Variants in PGBD5 observed in about 807,000 individuals in gnomAD.
The protein encoded by PGBD5 is piggyBac transposable element derived 5.
In PGBD5, 14 loss-of-function variants were observed where a neutral mutation model predicts 47.9. That is an observed-to-expected ratio of 0.29 (90% CI 0.19 to 0.46). The LOEUF is 0.46. Among genes scored for constraint, PGBD5 ranks in the 20% least tolerant of loss-of-function variants. The pLI is 1.00. For synonymous variants in PGBD5, 316 were observed against 306.3 expected, an observed-to-expected ratio of 1.03 and a Z score of -0.33; for missense variants, 635 against 716.0, an observed-to-expected ratio of 0.89 and a Z score of 1.29.
chr1:230,400,924 A>C (rs1434065097), intron 1 of PGBD5, among the ~76,000 whole-genome samples: 1 of 152,246 alleles, frequency 6.6e-6, no homozygotes, highest in African/African-American at 2.4e-5. Flanking sequence ...CTACTTTATA[A>C]ATGAGAAAAC....
intron 5 of PGBD5, among the ~76,000 whole-genome samples, chr1:230,331,334 T>C (rs1667211530): frequency 6.6e-6 from 1 of 152,238 alleles, no homozygotes; most frequent in South Asian, 2.1e-4. Flanking sequence ...GAGATTTGTT[T>C]GTGCTCAGGA....
intron 1 of PGBD5, among the ~76,000 whole-genome samples, chr1:230,420,992 C>A (rs980368914): frequency 6.6e-6 from 1 of 152,244 alleles, no homozygotes; most frequent in African/African-American, 2.4e-5. Flanking sequence ...CCACCCTGGG[C>A]ACATAGTGAG....
At chr1:230,377,659 T>C (rs1303212473) in intron 1 of PGBD5, 1 of 1,464,048 alleles carries the variant, frequency 6.8e-7, no homozygotes, top group Admixed American at 2.7e-5. Context: ...TCAAGGTACA[T>C]AATCCCACAC....
intron 1 of PGBD5, among the ~76,000 whole-genome samples, chr1:230,418,772 G>A (rs1181273090): frequency 1.3e-5 from 2 of 152,164 alleles, no homozygotes; most frequent in Non-Finnish European, 2.9e-5. Context: ...TACAGGCTAG[G>A]CATGAGCCAC....
At chr1:230,336,502 C>T (rs899836736) in intron 4 of PGBD5, among the ~76,000 whole-genome samples, 2 of 152,226 alleles carry the variant, frequency 1.3e-5, no homozygotes, top group Non-Finnish European at 2.9e-5. Flanking sequence ...ATCCCCAAAG[C>T]CAGGACAAAG....
Position 230,357,645 on chromosome 1 carries a change from G to A in PGBD5, c.332-324C>T, listed in dbSNP as rs577906737. On this transcript the variant is annotated intron_variant, in intron 1 of 6. Coordinates refer to ENST00000391860, the MANE Select transcript of PGBD5 (RefSeq NM_001258311.2). This position sits in a 1 kb window ranked among gnomAD's most constrained non-coding sequence, Gnocchi z 5.7. Reference sequence around the variant, plus strand: ...GCAGCCTGCATCTCCACACCAGACCGGAGGACAGCCCTCGGGGGGCGCAGT... The same window carrying A: ...GCAGCCTGCATCTCCACACCAGACCAGAGGACAGCCCTCGGGGGGCGCAGT... Among the ~76,000 whole-genome samples the A allele has an allele frequency of 1.4e-4, 21 of 152,272 alleles. No individual in the cohort carries two copies. Among genetic ancestry groups the A allele is most frequent in the Admixed American group, 3.3e-4 (5 of 15,298 alleles).
intron 3 of PGBD5, among the ~76,000 whole-genome samples, chr1:230,343,366 T>G (rs984721220): frequency 6.6e-6 from 1 of 152,076 alleles, no homozygotes; most frequent in African/African-American, 2.4e-5. Context: ...AGGGAGAGGG[T>G]TGAATCTGAT....
At position 230,399,064 on chromosome 1, in the gene PGBD5, G is replaced by T. The variant is rs76944006; in HGVS notation, c.331+26534C>A. Among the ~76,000 whole-genome samples the T allele has an allele frequency of 4.5e-3, 678 of 151,620 alleles. 6 individuals carry two copies. The highest frequency in any genetic ancestry group is 0.016 in the African/African-American group (648 of 41,320). ...CAACCCTCACAGGTTACTAAGGGGG[G>T]GTGGCTAAGTGTCAGGTGCAGCTCA... is the stretch of plus-strand genomic sequence containing the variant. On this transcript the variant is annotated intron_variant, in intron 1 of 6. Transcript: ENST00000391860.
At chr1:230,377,667 C>A in intron 1 of PGBD5, 1 of 1,452,664 alleles carries the variant, frequency 6.9e-7, no homozygotes, top group East Asian at 2.5e-5. Flanking sequence ...CATAATCCCA[C>A]ACAGCCTTCA....
At chr1:230,405,052 G>C (rs1054990855) in intron 1 of PGBD5, among the ~76,000 whole-genome samples, 52 of 150,630 alleles carry the variant, frequency 3.5e-4, no homozygotes, top group Admixed American at 6.6e-4. Context: ...AAAATTAGCT[G>C]GGTGTGGTGG....
At position 230,425,585 on chromosome 1, in the gene PGBD5, G is replaced by A; in HGVS notation, c.331+13C>T. The A allele has an allele frequency of 8.2e-7, 1 of 1,219,552 alleles. No individual in the cohort carries two copies. The highest frequency in any genetic ancestry group is 1.6e-5 in the African/African-American group (1 of 63,820). The allele number at this position is 1,219,552 out of a possible 1,614,324, so 75.5% of individuals were successfully genotyped here. A position where few individuals can be genotyped will look rare whatever the true frequency, so the allele number is the denominator to read the frequency against. ...GCGCCGCCCCCGACATCCACCCGCG[G>A]GCAGCCCCTTACCGCCGGTATCCTC... is the stretch of plus-strand genomic sequence containing the variant. On this transcript the variant is annotated intron_variant, in intron 1 of 6. Coordinates refer to ENST00000391860, the MANE Select transcript of PGBD5 (RefSeq NM_001258311.2). The surrounding 1 kb of genome is among the most constrained non-coding windows in gnomAD (Gnocchi z 4.7).
chr1:230,364,462 C>G (rs1667795772), intron 1 of PGBD5, among the ~76,000 whole-genome samples: 1 of 152,252 alleles, frequency 6.6e-6, no homozygotes, highest in South Asian at 2.1e-4. Context: ...CATGCAGAAA[C>G]TGCCAGAAAA....
At chr1:230,365,095 C>T (rs374015142) in intron 1 of PGBD5, among the ~76,000 whole-genome samples, 6 of 150,398 alleles carry the variant, frequency 4.0e-5, no homozygotes, top group Non-Finnish European at 7.4e-5. Context: ...GGGTGGACCA[C>T]GAGGTCAGGA....
intron 1 of PGBD5, among the ~76,000 whole-genome samples, chr1:230,380,462 C>T (rs1229315956): frequency 6.6e-6 from 1 of 152,184 alleles, no homozygotes; most frequent in African/African-American, 2.4e-5. Context: ...AAAGGCTGGT[C>T]ACTTGTGGTG....
Position 230,425,690 on chromosome 1 carries a change from G to A in PGBD5, c.239C>T (p.Pro80Leu), listed in dbSNP as rs1001241460. ...GTCCTCCTCCGGCTCCTGTGCGTCCGGGGCGCGGGGCGGTGGCGGGGCGGC... is the reference window on the plus strand; with the variant it reads ...GTCCTCCTCCGGCTCCTGTGCGTCCAGGGCGCGGGGCGGTGGCGGGGCGGC... ...PGAAPPPPRA[P>L]DAQEPEEDEA... Residue 80 changes from proline to leucine, a missense_variant, in exon 1 of 7, where the codon CCG becomes CTG. Physicochemically the swap from Pro to Leu is moderately conservative, Grantham distance 98. Coordinates refer to ENST00000391860, the MANE Select transcript of PGBD5 (RefSeq NM_001258311.2). This position sits in a 1 kb window ranked among gnomAD's most constrained non-coding sequence, Gnocchi z 4.7. 10 of 1,216,352 alleles carry A rather than the reference G, an allele frequency of 8.2e-6. No individual in the cohort carries two copies. The highest frequency in any genetic ancestry group is 4.7e-5 in the African/African-American group (3 of 63,588). 75.3% of individuals were successfully genotyped at this position (1,216,352 alleles called of 1,614,324 possible).
rs1040208891 is a variant in PGBD5 at position 230,373,685 on chromosome 1, C to T, written c.332-16364G>A. On this transcript the variant is annotated intron_variant, in intron 1 of 6. Coordinates refer to ENST00000391860, the MANE Select transcript of PGBD5 (RefSeq NM_001258311.2). ...AAGTTATTCTGAAGAAAACAATCAGCGATACATGTGAGGTTTTTTCTTTTT... is the reference window on the plus strand; with the variant it reads ...AAGTTATTCTGAAGAAAACAATCAGTGATACATGTGAGGTTTTTTCTTTTT... Among the ~76,000 whole-genome samples, 7 of 152,074 alleles carry T rather than the reference C, an allele frequency of 4.6e-5. No homozygotes were observed. In the South Asian group the frequency reaches 8.3e-4, roughly 18 times the overall value.
intron 6 of PGBD5, among the ~76,000 whole-genome samples, chr1:230,324,756 G>A (rs140888106): frequency 1.2e-4 from 19 of 152,284 alleles, no homozygotes; most frequent in East Asian, 7.7e-4. Context: ...GTGTCTGGAC[G>A]TCCGCACATT....
At chr1:230,336,993 TG>T in intron 4 of PGBD5, 114 bp downstream of exon 4, 1 of 1,171,732 alleles carries the variant, frequency 8.5e-7, no homozygotes, top group Non-Finnish European at 1.2e-6. Context: ...CCTCATCACC[TG>T]GCATCCTGTG....
intron 1 of PGBD5, among the ~76,000 whole-genome samples, chr1:230,372,588 A>G (rs963192576): frequency 1.1e-4 from 16 of 152,188 alleles, no homozygotes; most frequent in Non-Finnish European, 2.2e-4. Context: ...GAAACCCTCC[A>G]ACTGATGTGG....
Sources: gnomAD v4.1 joint callset for allele counts (sites outside exome capture counted in the v4.1 genomes callset) on GRCh38, gnomAD v4.1.1 for gene constraint, Gnocchi (gnomAD v3.1) non-coding constraint, MANE v1.5 for transcripts, NCBI Gene and HGNC (gene_info 2026-07-23, HGNC 2026-07-21) for gene names.